Variants in RAB33A observed in about 807,000 individuals in gnomAD.
The protein encoded by RAB33A is RAB33A, member RAS oncogene family, also known as ras-related protein Rab-33A.
RAB33A carries 6 observed loss-of-function variants against 12.0 expected under a neutral mutation model. That is an observed-to-expected ratio of 0.50 (90% confidence interval 0.27 to 0.99). The LOEUF (loss-of-function observed/expected upper bound fraction) is 0.99, where lower values mean the gene tolerates loss of function less well. Ranked by LOEUF, RAB33A falls within the 50% of genes least tolerant of loss-of-function variation. The probability of loss-of-function intolerance (pLI) is 0.11; values close to 1 mark genes in which losing one functional copy is unlikely to be tolerated. For synonymous variants in RAB33A, 70 were observed against 82.4 expected (o/e 0.85, Z 0.81); for missense variants, 109 against 192.0 (o/e 0.57, Z 2.55).
chrX:130,167,182 T>C (rs966914221), upstream of RAB33A, among the ~76,000 whole-genome samples: 9 of 112,462 alleles, frequency 8.0e-5, no homozygotes, highest in African/African-American at 2.9e-4. Context: ...AAAGATAACA[T>C]TTTTCATTGT....
the RAB33A span, among the ~76,000 whole-genome samples, chrX:130,123,339 T>C: frequency 9.0e-6 from 1 of 111,526 alleles, no homozygotes; most frequent in Admixed American, 9.6e-5. Flanking sequence ...TCCTCTGCTT[T>C]GGGAGAAAAC....
intron 1 of RAB33A, among the ~76,000 whole-genome samples, chrX:130,181,746 A>G (rs1052069988): frequency 9.0e-6 from 1 of 111,251 alleles, no homozygotes; most frequent in African/African-American, 3.3e-5. Flanking sequence ...CAGGAATTCA[A>G]GACTAGCCTG....
intron 1 of RAB33A, among the ~76,000 whole-genome samples, chrX:130,180,585 G>A (rs774934800): frequency 1.8e-5 from 2 of 110,145 alleles, no homozygotes; most frequent in South Asian, 8.0e-4. Context: ...CTCCCGAGTA[G>A]CTGGGACTAC....
chrX:130,149,079 G>A, the RAB33A span, among the ~76,000 whole-genome samples: 2 of 107,422 alleles, frequency 1.9e-5, no homozygotes, highest in African/African-American at 6.8e-5. Flanking sequence ...GCACCACCAC[G>A]CCTGGCTAAT....
the RAB33A span, among the ~76,000 whole-genome samples, chrX:130,143,987 T>C: frequency 1.8e-5 from 2 of 111,974 alleles, no homozygotes. Context: ...CTATGTGAGT[T>C]TAGGCAAATT....
Position 130,172,121 on chromosome X carries a change from C to A in RAB33A, c.59C>A (p.Ala20Glu), listed in dbSNP as rs1202691411. ...SLQPASAAGL[A>E]SLELDSSLDQ... is the part of the protein sequence containing the mutation. Reference sequence around the variant, plus strand: ...CAGCCCGCCTCGGCCGCTGGCCTGGCGTCCCTGGAGCTCGACTCGTCGCTG... The same window carrying A: ...CAGCCCGCCTCGGCCGCTGGCCTGGAGTCCCTGGAGCTCGACTCGTCGCTG... Residue 20 changes from alanine to glutamate, a missense_variant, in exon 1 of 2, where the codon GCG becomes GAG. Physicochemically the swap from Ala to Glu is moderately radical, Grantham distance 107. Transcript: ENST00000257017. 2.5e-6 allele frequency: 3 copies of A among 1,210,612 alleles called. No homozygotes were observed. Among genetic ancestry groups the A allele is most frequent in the Middle Eastern group, 4.6e-4 (2 of 4,376 alleles).
the RAB33A span, chrX:130,131,530 T>C: frequency 4.6e-6 from 4 of 867,429 alleles, 1 homozygote; most frequent in South Asian, 8.6e-5. Context: ...GAGTGAGGAC[T>C]TGGGGTTTGG....
intron 1 of RAB33A, among the ~76,000 whole-genome samples, chrX:130,182,775 G>C (rs1004777314): frequency 2.3e-4 from 26 of 110,884 alleles, no homozygotes; most frequent in African/African-American, 8.5e-4. Context: ...TAAAAGAAAA[G>C]AAAAAAGAAA....
the RAB33A span, among the ~76,000 whole-genome samples, chrX:130,113,427 A>T: frequency 0.061 from 3,324 of 54,546 alleles, 144 homozygotes; most frequent in African/African-American, 0.22. Flanking sequence ...TTTAGTTTAG[A>T]TTTTTTTTTT....
At chrX:130,166,034 C>G in the RAB33A span, 1 of 258,766 alleles carries the variant, frequency 3.9e-6, no homozygotes, top group Non-Finnish European at 7.1e-6. Context: ...AGGAGGGACT[C>G]GTGGGGCCGC....
chrX:130,145,770 G>T, the RAB33A span, among the ~76,000 whole-genome samples: 1 of 111,843 alleles, frequency 8.9e-6, no homozygotes, highest in Non-Finnish European at 1.9e-5. Context: ...GGGCAATTTT[G>T]CTCCCAGGGG....
intron 1 of RAB33A, among the ~76,000 whole-genome samples, chrX:130,178,075 C>T (rs1034018893): frequency 1.6e-4 from 18 of 111,916 alleles, no homozygotes; most frequent in African/African-American, 5.5e-4. Flanking sequence ...TTTGGGAGGC[C>T]GAGGCAGGAT....
At chrX:130,171,128 A>G (rs748224283), upstream of RAB33A, among the ~76,000 whole-genome samples, 1 of 113,197 alleles carries the variant, frequency 8.8e-6, no homozygotes, top group South Asian at 3.6e-4. Flanking sequence ...AGTCTGTAAC[A>G]GAAACAGTTA....
Position 130,184,784 on chromosome X carries a change from T to A in RAB33A, c.*44T>A, listed in dbSNP as rs751233585. 2 of 1,116,691 alleles carry A rather than the reference T, an allele frequency of 1.8e-6. No individual in the cohort carries two copies. The highest frequency in any genetic ancestry group is 2.0e-5 in the South Asian group (1 of 49,603). The allele number at this position is 1,116,691 out of a possible 1,213,427, so 92.0% of individuals were successfully genotyped here. A position where few individuals can be genotyped will look rare whatever the true frequency, so the allele number is the denominator to read the frequency against. On this transcript the variant is annotated 3_prime_UTR_variant, in exon 2 of 2. Coordinates refer to ENST00000257017, the MANE Select transcript of RAB33A (RefSeq NM_004794.3). The stretch of plus-strand genomic sequence containing the variant: ...CAAGATAAATTATCACTGGAGTTTT[T>A]TCTTTCCCTTTTTTCTGTGCCTGCA...
chrX:130,154,342 G>A, the RAB33A span, among the ~76,000 whole-genome samples: 2 of 111,881 alleles, frequency 1.8e-5, no homozygotes, highest in African/African-American at 3.3e-5. Flanking sequence ...ACAGCAACAC[G>A]GACCAGGAAT....
chrX:130,178,659 T>A lies in RAB33A; in HGVS notation c.259-5626T>A, dbSNP rs183335324. Among the ~76,000 whole-genome samples the A allele has an allele frequency of 9.9e-3, 1,086 of 109,465 alleles. 9 individuals carry two copies. The highest frequency in any genetic ancestry group is 0.034 in the African/African-American group (1,028 of 30,040). On this transcript the variant is annotated intron_variant, in intron 1 of 1. Transcript: ENST00000257017. ...TTTAAAATTAATTAATTAATTTATT[T>A]ATTTATTTTTGAGACAGAGTCTTGC... is the stretch of plus-strand genomic sequence containing the variant.
the RAB33A span, among the ~76,000 whole-genome samples, chrX:130,118,306 A>G: frequency 2.7e-5 from 3 of 112,419 alleles, no homozygotes; most frequent in Non-Finnish European, 5.6e-5. Context: ...GGGATTGTCT[A>G]TGAGGGGAAC....
chrX:130,173,455 G>A (rs1320984610), intron 1 of RAB33A, among the ~76,000 whole-genome samples: 1 of 111,707 alleles, frequency 9.0e-6, no homozygotes, highest in African/African-American at 3.3e-5. Flanking sequence ...TCTGAGTGAC[G>A]TGGAGAGAAG....
chrX:130,140,250 C>T, the RAB33A span, among the ~76,000 whole-genome samples: 8 of 112,143 alleles, frequency 7.1e-5, no homozygotes, highest in African/African-American at 9.7e-5. Context: ...AAGCCACAAA[C>T]GACATCACTT....
Sources: gnomAD v4.1 joint callset for allele counts (sites outside exome capture counted in the v4.1 genomes callset) on GRCh38, gnomAD v4.1.1 for gene constraint, MANE v1.5 for transcripts, NCBI Gene and HGNC (gene_info 2026-07-23, HGNC 2026-07-21) for gene names.